HMHB1: variants seen among roughly 807,000 people sequenced by gnomAD.
HMHB1 encodes the protein histocompatibility minor HB-1.
In HMHB1, 4 loss-of-function variants were observed where a neutral mutation model predicts 2.4. The observed-to-expected ratio is 1.65, with a 90% CI of 0.81 to 3.77. HMHB1 has a LOEUF of 3.77. HMHB1 is among the 30% of genes most tolerant of loss of function. HMHB1 has a pLI of 0.01. For synonymous variants in HMHB1, 22 were observed against 17.6 expected, an observed-to-expected ratio of 1.25 and a Z score of -0.63; for missense variants, 57 against 44.2, an observed-to-expected ratio of 1.29 and a Z score of -0.82.
intron 1 of HMHB1, among the ~76,000 whole-genome samples, chr5:143,817,829 G>A (rs562844641): frequency 1.3e-5 from 2 of 151,964 alleles, no homozygotes; most frequent in Admixed American, 1.3e-4. Flanking sequence ...ATTTGCAGTA[G>A]CATCCAAAGA....
At position 143,820,483 on chromosome 5, in the gene HMHB1, C is replaced by T. The variant is rs1759801538; in HGVS notation, c.41C>T (p.Ser14Phe). ...GCTAAGCCATTCTTTTCTATAGGTT[C>T]TCTGCATGTTTGGAAGTCGGAATTG... The change falls in exon 2 of 2, where the codon TCT becomes TTT. Residue 14 changes from serine to phenylalanine, a missense_variant. Ser to Phe is a radical substitution (Grantham distance 155). Coordinates refer to ENST00000289448, the MANE Select transcript of HMHB1 (RefSeq NM_021182.3). The T allele has an allele frequency of 1.2e-6, 2 of 1,601,214 alleles. No homozygotes were observed. Among genetic ancestry groups the T allele is most frequent in the Non-Finnish European group, 1.7e-6 (2 of 1,168,662 alleles).
At chr5:143,816,962 C>A (rs1460743154) in intron 1 of HMHB1, among the ~76,000 whole-genome samples, 1 of 152,112 alleles carries the variant, frequency 6.6e-6, no homozygotes, top group Non-Finnish European at 1.5e-5. Context: ...TAGTGATGCT[C>A]AGTGTTTTTT....
At chr5:143,816,962 CA>C (rs1256466058) in intron 1 of HMHB1, among the ~76,000 whole-genome samples, 1 of 152,112 alleles carries the variant, frequency 6.6e-6, no homozygotes, top group Non-Finnish European at 1.5e-5. Context: ...TAGTGATGCT[CA>C]GTGTTTTTTC....
At chr5:143,812,794 G>A (rs757012791) in intron 1 of HMHB1, among the ~76,000 whole-genome samples, 2 of 152,058 alleles carry the variant, frequency 1.3e-5, no homozygotes, top group Admixed American at 6.6e-5. Context: ...ATCATGTGCC[G>A]GGGGCTTTGC....
intron 1 of HMHB1, among the ~76,000 whole-genome samples, chr5:143,816,197 A>AT (rs1168629860): frequency 6.6e-6 from 1 of 152,134 alleles, no homozygotes; most frequent in African/African-American, 2.4e-5. Context: ...CCAAGAATAT[A>AT]TTTTTTAAAT....
rs116313348 is a variant in HMHB1, at chr5:143,819,926, C to G, written c.38-554C>G. Among the ~76,000 whole-genome samples the G allele has an allele frequency of 7.5e-3, 1,142 of 152,170 alleles. 18 individuals carry two copies. The highest frequency in any genetic ancestry group is 0.026 in the African/African-American group (1,074 of 41,518). ...GGCTTGGCTCTAAAATAAGGGGCCC[C>G]TTTCATGGTTGCTCTGGAAATCTGC... is the stretch of plus-strand genomic sequence containing the variant. On this transcript the variant is annotated intron_variant, in intron 1 of 1. Coordinates refer to ENST00000289448, the MANE Select transcript of HMHB1 (RefSeq NM_021182.3).
At chr5:143,819,518 C>T (rs563680340) in intron 1 of HMHB1, among the ~76,000 whole-genome samples, 1 of 151,662 alleles carries the variant, frequency 6.6e-6, no homozygotes, top group East Asian at 1.9e-4. Flanking sequence ...GCCTGTAATC[C>T]CAGCTACTCG....
chr5:143,816,402 T>A (rs1759750237), intron 1 of HMHB1, among the ~76,000 whole-genome samples: 1 of 152,176 alleles, frequency 6.6e-6, no homozygotes, highest in Non-Finnish European at 1.5e-5. Flanking sequence ...GTCATTATTA[T>A]GCCTTTGCGT....
At chr5:143,812,622 G>A (rs1759704756) in intron 1 of HMHB1, among the ~76,000 whole-genome samples, 1 of 152,182 alleles carries the variant, frequency 6.6e-6, no homozygotes, top group South Asian at 2.1e-4. Context: ...CAGATGGGCA[G>A]GAAGTCCCTC....
chr5:143,815,842 G>C (rs555315387), intron 1 of HMHB1, among the ~76,000 whole-genome samples: 2 of 150,642 alleles, frequency 1.3e-5, no homozygotes, highest in Non-Finnish European at 2.9e-5. Flanking sequence ...GAGTAGCTGG[G>C]ACTACAGGCG....
At chr5:143,818,930 A>T (rs1397254462) in intron 1 of HMHB1, among the ~76,000 whole-genome samples, 2 of 152,188 alleles carry the variant, frequency 1.3e-5, no homozygotes, top group Non-Finnish European at 2.9e-5. Flanking sequence ...AGGATAGAGG[A>T]GTATCGTGAG....
chr5:143,812,386 T>C, intron 1 of HMHB1, 82 bp downstream of exon 1: 2 of 1,340,252 alleles, frequency 1.5e-6, no homozygotes, highest in South Asian at 1.3e-5. Context: ...AAAATGCTGG[T>C]GGAATGAGAG....
chr5:143,814,448 T>C (rs1009985590), intron 1 of HMHB1, among the ~76,000 whole-genome samples: 5 of 152,216 alleles, frequency 3.3e-5, no homozygotes, highest in Non-Finnish European at 7.3e-5. Context: ...ATGGAAACAG[T>C]TGACTTACAC....
intron 1 of HMHB1, among the ~76,000 whole-genome samples, chr5:143,813,922 A>G (rs1759719737): frequency 6.6e-6 from 1 of 152,182 alleles, no homozygotes; most frequent in African/African-American, 2.4e-5. Flanking sequence ...GGCACATGAT[A>G]TTTTCATATT....
At chr5:143,812,775 C>G (rs997258986) in intron 1 of HMHB1, among the ~76,000 whole-genome samples, 2 of 152,182 alleles carry the variant, frequency 1.3e-5, no homozygotes, top group Non-Finnish European at 2.9e-5. Context: ...CATGCTCCCA[C>G]TTCTTAGGAT....
rs575104481 is a variant in HMHB1, at chr5:143,820,628, T to C, written c.*60T>C. The C allele has an allele frequency of 5.1e-5, 54 of 1,051,150 alleles. No homozygotes were observed. The East Asian group carries it at 1.3e-3, about 25-fold the overall frequency. 65.1% of individuals were successfully genotyped at this position (1,051,150 alleles called of 1,614,324 possible). A position where few individuals can be genotyped will look rare whatever the true frequency, so the allele number is the denominator to read the frequency against. ...TTTGGTGTGGATGAGCAGGGACAAA[T>C]TGCTGAGCATGAAGAAGAGTAAAAT... On this transcript the variant is annotated 3_prime_UTR_variant, in exon 2 of 2. Coordinates refer to ENST00000289448, the MANE Select transcript of HMHB1 (RefSeq NM_021182.3).
intron 1 of HMHB1, among the ~76,000 whole-genome samples, chr5:143,817,599 T>G (rs1486231951): frequency 2.0e-5 from 3 of 152,248 alleles, no homozygotes; most frequent in African/African-American, 7.2e-5. Context: ...GCTGTTTTGG[T>G]GACTATGTCT....
chr5:143,814,087 T>G (rs2126792588), intron 1 of HMHB1, among the ~76,000 whole-genome samples: 1 of 152,358 alleles, frequency 6.6e-6, no homozygotes. Context: ...TCATCTATCC[T>G]TGTCTTTTTC....
At chr5:143,812,661 C>A (rs1474035097) in intron 1 of HMHB1, among the ~76,000 whole-genome samples, 1 of 152,106 alleles carries the variant, frequency 6.6e-6, no homozygotes, top group East Asian at 1.9e-4. Flanking sequence ...GCCAAGATCA[C>A]ATTGTTCTTG....
Sources: gnomAD v4.1 joint callset for allele counts (sites outside exome capture counted in the v4.1 genomes callset) on GRCh38, gnomAD v4.1.1 for gene constraint, MANE v1.5 for transcripts, NCBI Gene and HGNC (gene_info 2026-07-23, HGNC 2026-07-21) for gene names.